SLC25A12: variants seen among roughly 807,000 people sequenced by gnomAD.
SLC25A12 encodes the protein solute carrier family 25 member 12.
SLC25A12 carries 32 observed loss-of-function variants against 83.3 expected under a neutral mutation model. The observed-to-expected ratio is 0.38, with a 90% CI of 0.29 to 0.52. SLC25A12 has a LOEUF of 0.52. Among genes scored for constraint, SLC25A12 ranks in the 20% least tolerant of loss-of-function variants. SLC25A12 has a pLI of 0.84. For missense variants in SLC25A12, 611 were observed against 835.6 expected (o/e 0.73, Z 3.31); for synonymous variants, 267 against 291.1 (o/e 0.92, Z 0.84).
intron 6 of SLC25A12, among the ~76,000 whole-genome samples, chr2:171,836,635 G>A (rs571383041): frequency 3.3e-5 from 5 of 152,202 alleles, no homozygotes; most frequent in Admixed American, 1.3e-4. Flanking sequence ...TGATCCCTCC[G>A]GCAGACAGCA....
chr2:171,831,342 C>G (rs935408391), intron 8 of SLC25A12, among the ~76,000 whole-genome samples: 4 of 152,134 alleles, frequency 2.6e-5, no homozygotes, highest in Non-Finnish European at 4.4e-5. Context: ...CTCAGTTTTG[C>G]ATCACATTAC....
In SLC25A12 at chr2:171,855,963, T is replaced by A. The variant is rs770951176; in HGVS notation, c.210-14A>T. On this transcript the variant is annotated splice_polypyrimidine_tract_variant and intron_variant, in intron 3 of 17. Coordinates refer to ENST00000422440, the MANE Select transcript of SLC25A12 (RefSeq NM_003705.5). Reference sequence around the variant, plus strand: ...TAGGAGATCAACCTGGAATAAAATATAAAACGTCATTGGCTGGTGAAGAAA... The same window carrying A: ...TAGGAGATCAACCTGGAATAAAATAAAAAACGTCATTGGCTGGTGAAGAAA... 46 of 1,409,824 alleles carry A rather than the reference T, an allele frequency of 3.3e-5. No homozygotes were observed. Among genetic ancestry groups the A allele is most frequent in the Non-Finnish European group, 4.5e-5 (45 of 993,778 alleles). 87.3% of individuals were successfully genotyped at this position (1,409,824 alleles called of 1,614,324 possible).
chr2:171,796,720 C>T (rs574445688), intron 13 of SLC25A12, among the ~76,000 whole-genome samples: 1 of 152,080 alleles, frequency 6.6e-6, no homozygotes, highest in South Asian at 2.1e-4. Flanking sequence ...AAATACTTTC[C>T]AGAAACGCTG....
chr2:171,848,933 T>C (rs1427079417), intron 4 of SLC25A12, among the ~76,000 whole-genome samples: 1 of 152,274 alleles, frequency 6.6e-6, no homozygotes, highest in Non-Finnish European at 1.5e-5. Context: ...CTCACGCCTA[T>C]AATCCCAGCA....
intron 9 of SLC25A12, among the ~76,000 whole-genome samples, chr2:171,826,249 T>A (rs1684297972): frequency 6.6e-6 from 1 of 152,248 alleles, no homozygotes; most frequent in Non-Finnish European, 1.5e-5. Flanking sequence ...ATGTTTGAAC[T>A]CTTATTTTCC....
intron 2 of SLC25A12, among the ~76,000 whole-genome samples, chr2:171,876,676 C>T (rs1331693487): frequency 6.6e-6 from 1 of 151,666 alleles, no homozygotes; most frequent in Non-Finnish European, 1.5e-5. Context: ...CACTAGGTTG[C>T]CCCCCCACAC....
At chr2:171,892,820 C>T (rs190871154) in intron 2 of SLC25A12, among the ~76,000 whole-genome samples, 177 of 152,140 alleles carry the variant, frequency 1.2e-3, no homozygotes, top group African/African-American at 4.1e-3. Flanking sequence ...TGGAGGATAG[C>T]TCATAAGTAG....
intron 13 of SLC25A12, among the ~76,000 whole-genome samples, chr2:171,800,256 C>T (rs887940880): frequency 6.6e-6 from 1 of 151,750 alleles, no homozygotes; most frequent in South Asian, 2.1e-4. Context: ...GATGTATAAA[C>T]AACTTTTACA....
chr2:171,818,836 G>A (rs919763031), intron 9 of SLC25A12, among the ~76,000 whole-genome samples: 3 of 151,836 alleles, frequency 2.0e-5, no homozygotes, highest in Non-Finnish European at 4.4e-5. Context: ...CTATTAATGG[G>A]TAGAATAAAA....
chr2:171,827,154 A>G, intron 8 of SLC25A12, among the ~76,000 whole-genome samples: 1 of 152,336 alleles, frequency 6.6e-6, no homozygotes, highest in Middle Eastern at 3.4e-3. Flanking sequence ...GCCAGAAGCA[A>G]AAGTATAGAG....
intron 13 of SLC25A12, among the ~76,000 whole-genome samples, chr2:171,801,401 A>G (rs945811971): frequency 1.2e-4 from 18 of 152,330 alleles, no homozygotes; most frequent in African/African-American, 3.8e-4. Flanking sequence ...ATGCATAATA[A>G]TGTACTTTGA....
At chr2:171,823,713 T>C (rs1182836683) in intron 9 of SLC25A12, among the ~76,000 whole-genome samples, 2 of 152,184 alleles carry the variant, frequency 1.3e-5, no homozygotes, top group Non-Finnish European at 2.9e-5. Flanking sequence ...ATCCCAGCAC[T>C]TTGGGAGGCC....
At chr2:171,808,547 G>A (rs1683882679) in intron 13 of SLC25A12, among the ~76,000 whole-genome samples, 1 of 152,140 alleles carries the variant, frequency 6.6e-6, no homozygotes, top group Admixed American at 6.5e-5. Flanking sequence ...TTGTTTTAAA[G>A]TTCCAGTTAA....
At chr2:171,815,309 A>G in intron 9 of SLC25A12, 107 bp from the exon 10 acceptor site, 1 of 749,934 alleles carries the variant, frequency 1.3e-6, no homozygotes, top group Non-Finnish European at 2.4e-6. Context: ...CCTAAAAGTG[A>G]TATTGTTAAT....
At chr2:171,882,018 T>C (rs1685705162) in intron 2 of SLC25A12, among the ~76,000 whole-genome samples, 1 of 152,196 alleles carries the variant, frequency 6.6e-6, no homozygotes. Flanking sequence ...TTTTTGCAGA[T>C]AGTATGACAG....
chr2:171,791,675 C>T lies in SLC25A12; in HGVS notation c.1447-86G>A, dbSNP rs557795031. 109 of 1,326,138 alleles carry T rather than the reference C, an allele frequency of 8.2e-5. No homozygotes were observed. In the African/African-American group the frequency reaches 1.3e-3, roughly 15 times the overall value. The allele number at this position is 1,326,138 out of a possible 1,614,324, so 82.1% of individuals were successfully genotyped here. On this transcript the variant is annotated intron_variant, in intron 14 of 17. Transcript: ENST00000422440. ...GGATCCATGTGACATTTGTCAGTGA[C>T]AAGCTTGAGGTGTCCCTCAGTGACA... is the stretch of plus-strand genomic sequence containing the variant.
chr2:171,799,705 C>T (rs1050456677), intron 13 of SLC25A12, among the ~76,000 whole-genome samples: 1 of 152,172 alleles, frequency 6.6e-6, no homozygotes, highest in Admixed American at 6.5e-5. Context: ...CATTCCATTC[C>T]CACAACCATG....
At chr2:171,787,531 T>C in intron 17 of SLC25A12, 40 bp downstream of exon 17, 1 of 1,433,424 alleles carries the variant, frequency 7.0e-7, no homozygotes, top group South Asian at 1.1e-5. Context: ...TGTTTTGGAC[T>C]TAGTGATTTC....
intron 3 of SLC25A12, among the ~76,000 whole-genome samples, chr2:171,866,578 G>A (rs766956991): frequency 9.9e-4 from 138 of 139,250 alleles, no homozygotes; most frequent in Non-Finnish European, 1.4e-3. Flanking sequence ...GCGGCTGGCC[G>A]GGCGGGGGGC....
Sources: allele counts gnomAD v4.1 joint callset (sites outside exome capture counted in the v4.1 genomes callset), GRCh38; gene constraint gnomAD v4.1.1; transcripts MANE v1.5; gene names NCBI Gene and HGNC (gene_info 2026-07-23, HGNC 2026-07-21).